Variants in CLVS1 observed in about 807,000 individuals in gnomAD.
The protein encoded by CLVS1 is clavesin-1.
A neutral mutation model predicts 33.1 loss-of-function variants in CLVS1; 10 were observed. That is an observed-to-expected ratio of 0.30 (90% confidence interval 0.19 to 0.51). The LOEUF (loss-of-function observed/expected upper bound fraction) is 0.51, where lower values mean the gene tolerates loss of function less well. Among genes scored for constraint, CLVS1 ranks in the 20% least tolerant of loss-of-function variants. CLVS1 has a pLI of 0.97. For missense variants in CLVS1, 343 were observed against 433.4 expected, an observed-to-expected ratio of 0.79 and a Z score of 1.85; for synonymous variants, 163 against 166.1, an observed-to-expected ratio of 0.98 and a Z score of 0.14.
intron 3 of CLVS1, among the ~76,000 whole-genome samples, chr8:61,453,558 A>C (rs1448632266): frequency 6.6e-6 from 1 of 152,160 alleles, no homozygotes; most frequent in Non-Finnish European, 1.5e-5. Flanking sequence ...GGTGCACTGG[A>C]GCTAGTACTG....
At chr8:61,403,960 T>G (rs1409599567) in intron 3 of CLVS1, among the ~76,000 whole-genome samples, 1 of 152,242 alleles carries the variant, frequency 6.6e-6, no homozygotes, top group Admixed American at 6.5e-5. Context: ...TAGGAGCTAT[T>G]TGGCTACAGA....
At chr8:61,485,934 C>G (rs1191699574) in intron 5 of CLVS1, among the ~76,000 whole-genome samples, 1 of 151,850 alleles carries the variant, frequency 6.6e-6, no homozygotes, top group Non-Finnish European at 1.5e-5. Context: ...ACATCACACA[C>G]TGGGGCCTTT....
At chr8:61,089,042 T>G (rs1384333478) in intron 1 of CLVS1, among the ~76,000 whole-genome samples, 1 of 152,102 alleles carries the variant, frequency 6.6e-6, no homozygotes, top group Non-Finnish European at 1.5e-5. Flanking sequence ...GACCTCGTGA[T>G]CTGCCCGCCT....
At chr8:61,333,866 T>C (rs1373978632) in intron 2 of CLVS1, among the ~76,000 whole-genome samples, 1 of 152,084 alleles carries the variant, frequency 6.6e-6, no homozygotes, top group African/African-American at 2.4e-5. Flanking sequence ...ACCTCCACCC[T>C]CCAATAGACC....
At chr8:61,264,352 C>T (rs765089333) in intron 2 of CLVS1, among the ~76,000 whole-genome samples, 11 of 151,978 alleles carry the variant, frequency 7.2e-5, no homozygotes, top group African/African-American at 1.4e-4. Flanking sequence ...ATATGCACAC[C>T]GAAGATTGCA....
At chr8:61,442,834 G>A (rs547976112) in intron 3 of CLVS1, among the ~76,000 whole-genome samples, 31 of 152,142 alleles carry the variant, frequency 2.0e-4, no homozygotes, top group Admixed American at 5.9e-4. Context: ...TCCTGACCTC[G>A]TGATCCGCCC....
the CLVS1 span, among the ~76,000 whole-genome samples, chr8:61,032,550 A>G: frequency 0.015 from 2,214 of 152,208 alleles, 60 homozygotes; most frequent in African/African-American, 0.05. Flanking sequence ...GGAGACCTCT[A>G]TTACCAGTTA....
the CLVS1 span, among the ~76,000 whole-genome samples, chr8:61,015,732 T>G: frequency 4.6e-5 from 7 of 152,178 alleles, no homozygotes; most frequent in African/African-American, 1.7e-4. Context: ...TCCCTCAAAA[T>G]GGACCTCATA....
At chr8:61,115,334 TA>T (rs750174806) in intron 1 of CLVS1, among the ~76,000 whole-genome samples, 10 of 150,540 alleles carry the variant, frequency 6.6e-5, no homozygotes, top group African/African-American at 9.9e-5. Context: ...TGGCAACTCT[TA>T]TTTTTTTTAT....
the CLVS1 span, among the ~76,000 whole-genome samples, chr8:61,038,439 A>G: frequency 6.0e-4 from 63 of 105,252 alleles, 1 homozygote; most frequent in African/African-American, 1.9e-3. Flanking sequence ...TGTCGTTTGT[A>G]TATATATATA....
chr8:61,218,039 T>C (rs1031657259), intron 2 of CLVS1, among the ~76,000 whole-genome samples: 1 of 152,194 alleles, frequency 6.6e-6, no homozygotes, highest in African/African-American at 2.4e-5. Context: ...CGGGGACTCA[T>C]ACATTGTTGG....
At chr8:61,364,227 T>C (rs1444394067) in intron 2 of CLVS1, among the ~76,000 whole-genome samples, 1 of 152,210 alleles carries the variant, frequency 6.6e-6, no homozygotes, top group Non-Finnish European at 1.5e-5. Context: ...AAGAGTTCTT[T>C]CCATCAGCCT....
chr8:60,969,998 C>T, the CLVS1 span, among the ~76,000 whole-genome samples: 80,356 of 151,838 alleles, frequency 0.53, 21,411 homozygotes, highest in South Asian at 0.71. Context: ...TCCTGGAACC[C>T]GATATATCAA....
At chr8:61,291,559 G>A (rs13263347) in intron 1 of CLVS1, among the ~76,000 whole-genome samples, 2,096 of 152,204 alleles carry the variant, frequency 0.014, 20 homozygotes, top group Non-Finnish European at 0.022. Flanking sequence ...ATGTTGTAGG[G>A]GGGCGTGTTA....
At chr8:61,338,770 C>A (rs779006874) in intron 2 of CLVS1, among the ~76,000 whole-genome samples, 18 of 152,296 alleles carry the variant, frequency 1.2e-4, no homozygotes, top group East Asian at 1.9e-4. Context: ...ACCCCCCAAC[C>A]TTCCCCTGCC....
chr8:61,235,935 T>C (rs1199601985), intron 2 of CLVS1, among the ~76,000 whole-genome samples: 1 of 152,162 alleles, frequency 6.6e-6, no homozygotes, highest in Non-Finnish European at 1.5e-5. Context: ...TGGCACATGG[T>C]TAGATGACCT....
At chr8:61,205,092 A>T (rs913526024) in intron 2 of CLVS1, among the ~76,000 whole-genome samples, 39 of 152,344 alleles carry the variant, frequency 2.6e-4, no homozygotes, top group Middle Eastern at 3.4e-3. Flanking sequence ...CCTAATTATG[A>T]GAATGCTGTT....
chr8:61,208,133 C>G (rs1354149774), intron 2 of CLVS1, among the ~76,000 whole-genome samples: 2 of 152,160 alleles, frequency 1.3e-5, no homozygotes, highest in African/African-American at 4.8e-5. Flanking sequence ...ACAGAAATGC[C>G]TTCAAATATT....
At chr8:61,232,023 G>GTTTGTTTGTTTGTTTGTTT in intron 2 of CLVS1, among the ~76,000 whole-genome samples, 13 of 62,658 alleles carry the variant, frequency 2.1e-4, no homozygotes, top group Middle Eastern at 8.1e-3. Flanking sequence ...GAAAGTTGTG[G>GTTTGTTTGTTTGTTTGTTT]TTTTTTTTTT....
Sources: allele counts gnomAD v4.1 joint callset (sites outside exome capture counted in the v4.1 genomes callset), GRCh38; gene constraint gnomAD v4.1.1; transcripts MANE v1.5; gene names NCBI Gene and HGNC (gene_info 2026-07-23, HGNC 2026-07-21).